The following PYHIN1 variants were observed in gnomAD, a reference collection of about 807,000 sequenced individuals.
PYHIN1 encodes the protein pyrin and HIN domain family member 1, also known as pyrin and HIN domain-containing protein 1.
A neutral mutation model predicts 43.7 loss-of-function variants in PYHIN1; 32 were observed. The ratio of observed to expected loss-of-function variants is 0.73; its 90% CI spans 0.55 to 0.98. The LOEUF is 0.98. Ranked by LOEUF, PYHIN1 falls within the 50% of genes least tolerant of loss-of-function variation. The probability of loss-of-function intolerance (pLI) is 0.00; values close to 1 mark genes in which losing one functional copy is unlikely to be tolerated. For missense variants in PYHIN1, 588 were observed against 589.5 expected, an observed-to-expected ratio of 1.00 and a Z score of 0.03; for synonymous variants, 205 against 203.1, an observed-to-expected ratio of 1.01 and a Z score of -0.08.
intron 5 of PYHIN1, among the ~76,000 whole-genome samples, chr1:158,943,195 T>G (rs1649027962): frequency 6.6e-6 from 1 of 152,168 alleles, no homozygotes; most frequent in Non-Finnish European, 1.5e-5. Context: ...CAGCATTGCT[T>G]TCTGTACACA....
At chr1:158,961,953 T>A (rs1325771393) in intron 7 of PYHIN1, among the ~76,000 whole-genome samples, 1 of 152,112 alleles carries the variant, frequency 6.6e-6, no homozygotes, top group Non-Finnish European at 1.5e-5. Flanking sequence ...CCTCACAGGA[T>A]AAAGTCCACT....
At chr1:158,955,130 T>C (rs928911677) in intron 7 of PYHIN1, among the ~76,000 whole-genome samples, 2 of 151,864 alleles carry the variant, frequency 1.3e-5, no homozygotes, top group Non-Finnish European at 2.9e-5. Flanking sequence ...CAAAGAGACT[T>C]AGACTCCCAC....
rs199759748 is a variant in PYHIN1 at position 158,954,251 on chromosome 1, C to T, written c.1359+9209C>T. On this transcript the variant is annotated intron_variant, in intron 7 of 8. Transcript: ENST00000368140. ...GTTCAGATTCAGGAAATACAGAGAA[C>T]GCCACAAAGATACTCCTCGAGAAGA... 1.4e-4 allele frequency among the ~76,000 whole-genome samples: 6 copies of T among 41,732 alleles called. No homozygotes were observed. The East Asian group carries it at 2.3e-3, about 16-fold the overall frequency. 27.4% of individuals were successfully genotyped at this position (41,732 alleles called of 152,430 possible).
the PYHIN1 span, among the ~76,000 whole-genome samples, chr1:158,982,842 T>C: frequency 4.6e-5 from 7 of 152,212 alleles, no homozygotes; most frequent in African/African-American, 1.7e-4. Flanking sequence ...ACTCTTGTTG[T>C]AGAAATCTTT....
rs549728347 is a variant in PYHIN1, at chr1:158,941,842, C to G, written c.580-135C>G. The stretch of plus-strand genomic sequence containing the variant: ...GACTACTTCAGAATATCCTCTCCTT[C>G]CCTGTATCCTGGCCCCAGCTCTACA... On this transcript the variant is annotated intron_variant, in intron 4 of 8. Coordinates refer to ENST00000368140, the MANE Select transcript of PYHIN1 (RefSeq NM_152501.5). 14 of 702,962 alleles carry G rather than the reference C, an allele frequency of 2.0e-5. No individual in the cohort carries two copies. The African/African-American group carries it at 2.4e-4, about 12-fold the overall frequency. The allele number at this position is 702,962 out of a possible 1,614,324, so 43.5% of individuals were successfully genotyped here.
chr1:158,950,179 T>C (rs1288923882), intron 7 of PYHIN1, among the ~76,000 whole-genome samples: 1 of 152,214 alleles, frequency 6.6e-6, no homozygotes, highest in Admixed American at 6.5e-5. Context: ...CAGTAGAGTT[T>C]AGCAGGTACA....
intron 7 of PYHIN1, among the ~76,000 whole-genome samples, chr1:158,951,793 T>A (rs1475709841): frequency 6.6e-6 from 1 of 152,202 alleles, no homozygotes; most frequent in Admixed American, 6.5e-5. Flanking sequence ...TTGCTCTTAA[T>A]TGCTCCTTAA....
intron 7 of PYHIN1, among the ~76,000 whole-genome samples, chr1:158,956,730 C>G (rs1410490688): frequency 6.7e-6 from 1 of 150,092 alleles, no homozygotes; most frequent in Non-Finnish European, 1.5e-5. Context: ...TCCTATTCAA[C>G]TTAGTGTTGG....
rs1468280834 is a variant in PYHIN1, at chr1:158,943,935, A to G, written c.1148A>G (p.Glu383Gly). The change falls in exon 6 of 9, where the codon GAA becomes GGA. Residue 383 changes from glutamate (E) to glycine (G), a missense_variant. Coordinates refer to ENST00000368140, the MANE Select transcript of PYHIN1 (RefSeq NM_152501.5). ...TTCTGCTTTCGACTGAGAAAGAGGG[A>G]AAATATGTCAAAACTGATGTCAGAA... ...RLFCFRLRKR[E>G]NMSKLMSEMH... The G allele has an allele frequency of 6.2e-7, 1 of 1,607,582 alleles. No homozygotes were observed. The highest frequency in any genetic ancestry group is 8.5e-7 in the Non-Finnish European group (1 of 1,175,506).
chr1:158,983,843 A>G, the PYHIN1 span, among the ~76,000 whole-genome samples: 6 of 152,026 alleles, frequency 3.9e-5, no homozygotes, highest in African/African-American at 1.4e-4. Context: ...TTAGGTATTC[A>G]ATGTCTTCCT....
At chr1:158,974,532 C>G (rs1651137596) in intron 8 of PYHIN1, among the ~76,000 whole-genome samples, 2 of 151,872 alleles carry the variant, frequency 1.3e-5, no homozygotes, top group Non-Finnish European at 2.9e-5. Flanking sequence ...GGAGTCACCT[C>G]CACCTAGGGA....
In PYHIN1 at chr1:158,934,506, T is replaced by C. The variant is rs145143193; in HGVS notation, c.-20-2385T>C. 1.3e-3 allele frequency among the ~76,000 whole-genome samples: 191 copies of C among 152,294 alleles called. 6 individuals are homozygous for C. The East Asian group carries it at 0.026, about 21-fold the overall frequency. On this transcript the variant is annotated intron_variant, in intron 1 of 8. Coordinates refer to ENST00000368140, the MANE Select transcript of PYHIN1 (RefSeq NM_152501.5). Reference sequence around the variant, plus strand: ...GATCTTTGCAGGTGATCTAAAGCCTTCATTCTCGGAGGCTTATGGAGTATT... The same window carrying C: ...GATCTTTGCAGGTGATCTAAAGCCTCCATTCTCGGAGGCTTATGGAGTATT...
the PYHIN1 span, among the ~76,000 whole-genome samples, chr1:158,983,657 T>C: frequency 6.6e-6 from 1 of 152,186 alleles, no homozygotes. Context: ...CCTCATAGAA[T>C]GATTCAGGGC....
At chr1:158,958,058 A>G (rs1270037153) in intron 7 of PYHIN1, among the ~76,000 whole-genome samples, 1 of 152,234 alleles carries the variant, frequency 6.6e-6, no homozygotes, top group Non-Finnish European at 1.5e-5. Context: ...ACAATGAGAT[A>G]CCATCTCACA....
At chr1:158,971,586 C>T (rs1490903795) in intron 7 of PYHIN1, among the ~76,000 whole-genome samples, 3 of 151,952 alleles carry the variant, frequency 2.0e-5, no homozygotes, top group Non-Finnish European at 4.4e-5. Flanking sequence ...GTGCTGATAG[C>T]AAAATGAAGA....
the PYHIN1 span, among the ~76,000 whole-genome samples, chr1:158,987,831 G>A: frequency 0.041 from 6,267 of 152,122 alleles, 352 homozygotes; most frequent in East Asian, 0.26. Context: ...AATACCTGTG[G>A]ATTTTAAAAT....
chr1:158,956,991 ACT>A (rs1649979805), intron 7 of PYHIN1, among the ~76,000 whole-genome samples: 1 of 144,896 alleles, frequency 6.9e-6, no homozygotes, highest in Non-Finnish European at 1.5e-5. Flanking sequence ...TCATGAGTGA[ACT>A]CTCATTCACA....
At chr1:158,965,102 A>C (rs1650559303) in intron 7 of PYHIN1, among the ~76,000 whole-genome samples, 1 of 152,188 alleles carries the variant, frequency 6.6e-6, no homozygotes, top group Non-Finnish European at 1.5e-5. Flanking sequence ...TAATTTCAGA[A>C]AAAACAGACT....
At chr1:158,946,771 G>C (rs1649246586) in intron 7 of PYHIN1, among the ~76,000 whole-genome samples, 1 of 152,164 alleles carries the variant, frequency 6.6e-6, no homozygotes. Context: ...CATTTATACA[G>C]ATATTCCAGA....
Sources: allele counts gnomAD v4.1 joint callset (sites outside exome capture counted in the v4.1 genomes callset), GRCh38; gene constraint gnomAD v4.1.1; transcripts MANE v1.5; gene names NCBI Gene and HGNC (gene_info 2026-07-23, HGNC 2026-07-21).